COL10A1: variants seen among roughly 807,000 people sequenced by gnomAD.
The protein encoded by COL10A1 is collagen type X alpha 1 chain.
A neutral mutation model predicts 18.2 loss-of-function variants in COL10A1; 10 were observed. The observed-to-expected ratio is 0.55, with a 90% CI of 0.34 to 0.93. The LOEUF is 0.93. Among genes scored for constraint, COL10A1 ranks in the 40% least tolerant of loss-of-function variants. COL10A1 has a pLI of 0.02. For missense variants in COL10A1, 897 were observed against 853.5 expected (o/e 1.05, Z -0.64); for synonymous variants, 330 against 316.6 (o/e 1.04, Z -0.45).
At chr6:116,180,526 T>G in the COL10A1 span, among the ~76,000 whole-genome samples, 15 of 152,122 alleles carry the variant, frequency 9.9e-5, no homozygotes, top group Non-Finnish European at 2.1e-4. Flanking sequence ...TGATAACACC[T>G]GAACTTATTG....
chr6:116,135,681 T>A (rs981487870), intron 1 of COL10A1, among the ~76,000 whole-genome samples: 1 of 151,452 alleles, frequency 6.6e-6, no homozygotes, highest in Admixed American at 6.6e-5. Context: ...CTGATATATA[T>A]GCTGCTGGCA....
rs1779115525 is a variant in COL10A1, at chr6:116,121,305, C to T, written c.811G>A (p.Ala271Thr). The change falls in exon 3 of 3, where the codon GCC (alanine) becomes ACC (threonine). Residue 271 changes from alanine to threonine, a missense_variant. By Grantham distance (58) the Ala-to-Thr change is moderately conservative (BLOSUM62 0). Coordinates refer to ENST00000651968, the MANE Select transcript of COL10A1 (RefSeq NM_000493.4). ...EGIGKPGAAG[A>T]PGQPGIPGTK... is the part of the protein sequence containing the mutation. ...CCTGGAATCCCTGGCTGGCCTGGGG[C>T]TCCAGCAGCTCCTGGCTTTCCAATG... The T allele has an allele frequency of 1.2e-6, 2 of 1,614,080 alleles. No homozygotes were observed. Among genetic ancestry groups the T allele is most frequent in the South Asian group, 1.1e-5 (1 of 91,074 alleles).
At chr6:116,177,096 G>A in the COL10A1 span, among the ~76,000 whole-genome samples, 8 of 152,090 alleles carry the variant, frequency 5.3e-5, no homozygotes, top group African/African-American at 1.9e-4. Flanking sequence ...TATGTGGACC[G>A]GTTTCAGTAT....
the COL10A1 span, among the ~76,000 whole-genome samples, chr6:116,184,594 T>C: frequency 1.3e-5 from 2 of 152,116 alleles, no homozygotes; most frequent in African/African-American, 4.8e-5. Flanking sequence ...AGTGTCTGTT[T>C]CTTCCTGGTT....
upstream of COL10A1, among the ~76,000 whole-genome samples, chr6:116,126,925 G>C (rs1356706339): frequency 6.6e-6 from 1 of 152,250 alleles, no homozygotes; most frequent in Non-Finnish European, 1.5e-5. Context: ...AAAGGTGGAA[G>C]TAAACACTAT....
At chr6:116,160,397 G>A (rs1666236676), upstream of COL10A1, among the ~76,000 whole-genome samples, 1 of 151,888 alleles carries the variant, frequency 6.6e-6, no homozygotes, top group South Asian at 2.1e-4. Context: ...TATGTTTGTT[G>A]GTCACTTGTA....
At chr6:116,135,834 G>GATATATATAT (rs199827970) in intron 1 of COL10A1, among the ~76,000 whole-genome samples, 209 of 102,274 alleles carry the variant, frequency 2.0e-3, no homozygotes, top group Non-Finnish European at 3.0e-3. Flanking sequence ...TATATTTTCA[G>GATATATATAT]ATATATATAT....
rs570854651 is a variant in COL10A1, at chr6:116,119,189, C to A, written c.*884G>T. Reference sequence around the variant, plus strand: ...ACTTCTAGTCGAATTTTGAAACCCTCAGTGTAAATTATAACTTCACTTGAA... The same window carrying A: ...ACTTCTAGTCGAATTTTGAAACCCTAAGTGTAAATTATAACTTCACTTGAA... On this transcript the variant is annotated 3_prime_UTR_variant, in exon 3 of 3. Transcript: ENST00000651968. 6.5e-6 allele frequency: 1 copy of A among 152,750 alleles called. No individual in the cohort carries two copies. The highest frequency in any genetic ancestry group is 2.4e-5 in the African/African-American group (1 of 41,574). The allele number at this position is 152,750 out of a possible 1,614,324, so 9.5% of individuals were successfully genotyped here.
chr6:116,138,091 GAA>G (rs1779659631), intron 1 of COL10A1, among the ~76,000 whole-genome samples: 1 of 151,968 alleles, frequency 6.6e-6, no homozygotes, highest in Admixed American at 6.6e-5. Context: ...AAAAAGAAAA[GAA>G]AGAAAATGTC....
chr6:116,149,500 C>G (rs1395753891), intron 1 of COL10A1, among the ~76,000 whole-genome samples: 2 of 152,140 alleles, frequency 1.3e-5, no homozygotes, highest in Non-Finnish European at 2.9e-5. Flanking sequence ...GGATAAGTAA[C>G]TTGAGTCTGA....
chr6:116,132,292 C>T (rs938583946), intron 1 of COL10A1, among the ~76,000 whole-genome samples: 1 of 152,076 alleles, frequency 6.6e-6, no homozygotes, highest in African/African-American at 2.4e-5. Context: ...AAATTGGAAT[C>T]TCAGTCTAGT....
chr6:116,155,677 G>A (rs1324292961), intron 1 of COL10A1, among the ~76,000 whole-genome samples: 2 of 150,042 alleles, frequency 1.3e-5, no homozygotes, highest in Admixed American at 6.7e-5. Context: ...TTAGAAGCAA[G>A]GCTGGTATCC....
At chr6:116,155,030 A>C (rs1349717865) in intron 1 of COL10A1, among the ~76,000 whole-genome samples, 1 of 152,210 alleles carries the variant, frequency 6.6e-6, no homozygotes, top group East Asian at 1.9e-4. Context: ...GTATAACAGA[A>C]TAGAACTTTG....
chr6:116,207,246 T>G, the COL10A1 span, among the ~76,000 whole-genome samples: 1 of 152,000 alleles, frequency 6.6e-6, no homozygotes, highest in Non-Finnish European at 1.5e-5. Flanking sequence ...TCATATGTCT[T>G]AAGAAATCAT....
At position 116,121,614 on chromosome 6, in the gene COL10A1, C is replaced by G; in HGVS notation, c.502G>C (p.Gly168Arg). 1.9e-6 allele frequency: 3 copies of G among 1,613,998 alleles called. No individual in the cohort carries two copies. The highest frequency in any genetic ancestry group is 2.5e-6 in the Non-Finnish European group (3 of 1,179,898). The change falls in exon 3 of 3, where the codon GGA becomes CGA. Residue 168 changes from glycine (G) to arginine (R), a missense_variant. Transcript: ENST00000651968. ...TTTTCTCCAGGAAAGCCCCTGGGTCCTGGGGCTCCTGTGGGTCCCTGTTGT... is the reference window on the plus strand; with the variant it reads ...TTTTCTCCAGGAAAGCCCCTGGGTCGTGGGGCTCCTGTGGGTCCCTGTTGT... ...PGQQGPTGAP[G>R]PRGFPGEKGA...
At chr6:116,198,076 G>A in the COL10A1 span, among the ~76,000 whole-genome samples, 1 of 152,016 alleles carries the variant, frequency 6.6e-6, no homozygotes, top group African/African-American at 2.4e-5. Flanking sequence ...AATCTTCCAA[G>A]AGAGATCCTG....
At chr6:116,180,656 A>G in the COL10A1 span, among the ~76,000 whole-genome samples, 2 of 152,094 alleles carry the variant, frequency 1.3e-5, no homozygotes, top group African/African-American at 4.8e-5. Flanking sequence ...ATTGTATTAA[A>G]CCTCTGTAAT....
chr6:116,187,550 C>G, the COL10A1 span, among the ~76,000 whole-genome samples: 1 of 151,962 alleles, frequency 6.6e-6, no homozygotes. Context: ...CCGGAGATGC[C>G]AGAAAAGACC....
At chr6:116,174,842 A>G in the COL10A1 span, among the ~76,000 whole-genome samples, 1 of 152,184 alleles carries the variant, frequency 6.6e-6, no homozygotes, top group Non-Finnish European at 1.5e-5. Flanking sequence ...TAATGGGATT[A>G]TTAATAGTTC....
Sources: allele counts gnomAD v4.1 joint callset (sites outside exome capture counted in the v4.1 genomes callset), GRCh38; gene constraint gnomAD v4.1.1; transcripts MANE v1.5; gene names NCBI Gene and HGNC (gene_info 2026-07-23, HGNC 2026-07-21).